Variants in DKK4 observed in about 807,000 individuals in gnomAD.
DKK4 encodes the protein dickkopf Wnt signaling pathway inhibitor 4, also known as dickkopf-related protein 4.
In DKK4, 15 loss-of-function variants were observed where a neutral mutation model predicts 14.5. The observed-to-expected ratio is 1.03, with a 90% CI of 0.69 to 1.59. The LOEUF (loss-of-function observed/expected upper bound fraction) is 1.59. Among genes scored for constraint, DKK4 ranks in the 40% most tolerant of loss-of-function variants. The pLI, the probability that DKK4 is intolerant of heterozygous loss-of-function variation, is 0.00. For missense variants in DKK4, 272 were observed against 280.3 expected, an observed-to-expected ratio of 0.97 and a Z score of 0.21; for synonymous variants, 89 against 105.2, an observed-to-expected ratio of 0.85 and a Z score of 0.94.
chr8:42,376,195 A>G (rs2130873484), intron 1 of DKK4, among the ~76,000 whole-genome samples: 1 of 152,290 alleles, frequency 6.6e-6, no homozygotes, highest in South Asian at 2.1e-4. Context: ...TAAACATACT[A>G]TTGATGTTTG....
At position 42,374,906 on chromosome 8, in the gene DKK4, A is replaced by C. The variant is rs535507448; in HGVS notation, c.270T>G (p.Cys90Trp). 5 of 1,614,152 alleles carry C rather than the reference A, an allele frequency of 3.1e-6. No homozygotes were observed. Among genetic ancestry groups the C allele is most frequent in the Non-Finnish European group, 3.4e-6 (4 of 1,179,988 alleles). Residue 90 changes from cysteine (C) to tryptophan (W), a missense_variant, in exon 3 of 4, where the codon TGT becomes TGG. Transcript: ENST00000220812. The stretch of plus-strand genomic sequence containing the variant: ...TTGGGGTTGCATCTTCCATCGTAGT[A>C]CAAACATCTGAGGGACAACCAGGTG... ...CPGTLCVNDVCTTMEDATPIL... is the reference protein window; with the variant it reads ...CPGTLCVNDVWTTMEDATPIL...
the DKK4 span, among the ~76,000 whole-genome samples, chr8:42,389,095 C>T: frequency 1.3e-5 from 2 of 152,182 alleles, no homozygotes; most frequent in Non-Finnish European, 2.9e-5. Flanking sequence ...AGGCACATGC[C>T]ACCCATGCCT....
the DKK4 span, among the ~76,000 whole-genome samples, chr8:42,388,911 T>C: frequency 6.6e-6 from 1 of 152,234 alleles, no homozygotes; most frequent in Non-Finnish European, 1.5e-5. Context: ...GAACATTTTC[T>C]ATAAGCCAGG....
At chr8:42,382,652 G>A in the DKK4 span, among the ~76,000 whole-genome samples, 3 of 152,210 alleles carry the variant, frequency 2.0e-5, no homozygotes, top group Admixed American at 1.3e-4. Flanking sequence ...GCCGTCGTGC[G>A]AAGTTCTGGC....
chr8:42,381,785 A>G (rs1457191839), upstream of DKK4, among the ~76,000 whole-genome samples: 1 of 152,066 alleles, frequency 6.6e-6, no homozygotes, highest in African/African-American at 2.4e-5. Flanking sequence ...ATCACTTGAG[A>G]TCAGGAGTTC....
chr8:42,376,916 C>T lies in DKK4; in HGVS notation c.111+19G>A, dbSNP rs1385553710. On this transcript the variant is annotated intron_variant, in intron 1 of 3. Coordinates refer to ENST00000220812, the MANE Select transcript of DKK4 (RefSeq NM_014420.3). ...CTGTCAGCAGTCCCGTACCTCGCCCCCCTCCCTAGCAGCCTTACCTTCCGG... is the reference window on the plus strand; with the variant it reads ...CTGTCAGCAGTCCCGTACCTCGCCCTCCTCCCTAGCAGCCTTACCTTCCGG... 1.9e-6 allele frequency: 3 copies of T among 1,606,440 alleles called. No individual in the cohort carries two copies. The highest frequency in any genetic ancestry group is 3.3e-5 in the Admixed American group (2 of 59,976).
chr8:42,383,650 A>C, the DKK4 span, among the ~76,000 whole-genome samples: 1 of 152,314 alleles, frequency 6.6e-6, no homozygotes, highest in Non-Finnish European at 1.5e-5. Context: ...GTTTTAAAAT[A>C]AAATCAGGTT....
chr8:42,388,511 C>T, the DKK4 span, among the ~76,000 whole-genome samples: 4 of 151,184 alleles, frequency 2.6e-5, no homozygotes, highest in African/African-American at 9.8e-5. Context: ...ATTATAGGTG[C>T]AAGGCACCGC....
At chr8:42,375,988 C>T (rs1001116233) in intron 1 of DKK4, among the ~76,000 whole-genome samples, 158 bp from the exon 2 acceptor site, 3 of 152,204 alleles carry the variant, frequency 2.0e-5, no homozygotes, top group Non-Finnish European at 4.4e-5. Flanking sequence ...TTTTCTCCCA[C>T]AAAGGGAAGC....
At chr8:42,391,246 G>A in the DKK4 span, among the ~76,000 whole-genome samples, 1 of 151,898 alleles carries the variant, frequency 6.6e-6, no homozygotes, top group African/African-American at 2.4e-5. Context: ...TCCCATAAGA[G>A]GCTGGGCGTG....
chr8:42,386,658 T>C, the DKK4 span, among the ~76,000 whole-genome samples: 1 of 152,086 alleles, frequency 6.6e-6, no homozygotes, highest in African/African-American at 2.4e-5. Flanking sequence ...TCAGCTAATT[T>C]TTTATTTTTT....
At chr8:42,375,531 AAAG>A in intron 2 of DKK4, 146 bp downstream of exon 2, 24 of 1,073,004 alleles carry the variant, frequency 2.2e-5, no homozygotes, top group South Asian at 5.6e-5. Flanking sequence ...AAAAAAAAAA[AAAG>A]GAAAAGAAAA....
chr8:42,389,267 C>T, the DKK4 span, among the ~76,000 whole-genome samples: 26 of 152,302 alleles, frequency 1.7e-4, no homozygotes, highest in African/African-American at 6.3e-4. Flanking sequence ...GATTTAATAT[C>T]CACTACAATC....
chr8:42,383,813 C>T, the DKK4 span, among the ~76,000 whole-genome samples: 3 of 152,200 alleles, frequency 2.0e-5, no homozygotes, highest in East Asian at 1.9e-4. Context: ...CATGGTGGTG[C>T]GCGCCTGTAA....
chr8:42,376,884 A>T, intron 1 of DKK4, 51 bp downstream of exon 1: 1 of 1,450,290 alleles, frequency 6.9e-7, no homozygotes, highest in East Asian at 2.3e-5. Flanking sequence ...TAAACAAAAC[A>T]CCCCAGCTGT....
intron 2 of DKK4, among the ~76,000 whole-genome samples, chr8:42,375,196 T>G (rs939584475): frequency 6.6e-6 from 1 of 152,158 alleles, no homozygotes; most frequent in Non-Finnish European, 1.5e-5. Flanking sequence ...AATCATTATC[T>G]CCAAGTCATT....
chr8:42,375,210 A>C (rs1399455795), intron 2 of DKK4, among the ~76,000 whole-genome samples: 1 of 152,230 alleles, frequency 6.6e-6, no homozygotes, highest in African/African-American at 2.4e-5. Context: ...AGTCATTGGC[A>C]AGAGCTGTTG....
At chr8:42,380,830 AG>A (rs1477737731), upstream of DKK4, among the ~76,000 whole-genome samples, 1 of 145,342 alleles carries the variant, frequency 6.9e-6, no homozygotes, top group South Asian at 2.2e-4. Flanking sequence ...GAAGGAAGGA[AG>A]GGAGGAAAAA....
upstream of DKK4, among the ~76,000 whole-genome samples, chr8:42,379,416 GAGAGAGAGAGAA>G (rs781168706): frequency 4.7e-4 from 61 of 128,774 alleles, 1 homozygote; most frequent in Admixed American, 8.7e-4. Flanking sequence ...GAGAGAGAGA[GAGAGAGAGAGAA>G]AGATTCAGAC....
Sources: gnomAD v4.1 joint callset for allele counts (sites outside exome capture counted in the v4.1 genomes callset) on GRCh38, gnomAD v4.1.1 for gene constraint, MANE v1.5 for transcripts, NCBI Gene and HGNC (gene_info 2026-07-23, HGNC 2026-07-21) for gene names.